The following CCDC18 variants were observed in gnomAD, a reference collection of about 807,000 sequenced individuals.
CCDC18 encodes the protein coiled-coil domain-containing protein 18.
In CCDC18, 157 loss-of-function variants were observed where a neutral mutation model predicts 196.0. That is an observed-to-expected ratio of 0.80 (90% CI 0.70 to 0.91). CCDC18 has a LOEUF of 0.91. CCDC18 is among the 40% of genes least tolerant of loss of function. CCDC18 has a pLI of 0.00. For missense variants in CCDC18, 1,465 were observed against 1,611.6 expected, an observed-to-expected ratio of 0.91 and a Z score of 1.56; for synonymous variants, 482 against 529.2, an observed-to-expected ratio of 0.91 and a Z score of 1.22.
intron 8 of CCDC18, among the ~76,000 whole-genome samples, chr1:93,206,026 C>T (rs564070888): frequency 6.6e-6 from 1 of 151,858 alleles, no homozygotes; most frequent in African/African-American, 2.4e-5. Flanking sequence ...AAACAGAAGC[C>T]CCGAGAGTAG....
chr1:93,224,763 A>T (rs566620384), intron 16 of CCDC18, among the ~76,000 whole-genome samples: 1 of 152,390 alleles, frequency 6.6e-6, no homozygotes, highest in East Asian at 1.9e-4. Flanking sequence ...ATATCTAATG[A>T]TGAATCTTGC....
At position 93,207,145 on chromosome 1, in the gene CCDC18, T is replaced by C; in HGVS notation, c.956T>C (p.Leu319Ser). 1.3e-6 allele frequency: 2 copies of C among 1,542,708 alleles called. No homozygotes were observed. The highest frequency in any genetic ancestry group is 1.4e-5 in the African/African-American group (1 of 72,542). Residue 319 changes from leucine (L) to serine (S), a missense_variant, in exon 9 of 29, where the codon TTA becomes TCA. By Grantham distance (145) the Leu-to-Ser change is moderately radical. Transcript: ENST00000690025. ...KEENNNGKEK[L>S]RIMAVKNSEV... The stretch of plus-strand genomic sequence containing the variant: ...GAAAATAACAACGGAAAAGAAAAAT[T>C]AAGGATCATGGCAGTGAAAAATTCA...
At position 93,207,170 on chromosome 1, in the gene CCDC18, A is replaced by G; in HGVS notation, c.981A>G (p.Ser327=). ...TAAGGATCATGGCAGTGAAAAATTC[A>G]GAAGTCATGGCACAACTAACTGAAT... The part of the protein sequence containing the change: ...EKLRIMAVKN[S]EVMAQLTESR... Residue 327 remains serine (S), a synonymous_variant, in exon 9 of 29, where the codon TCA becomes TCG. Transcript: ENST00000690025. 1 of 1,606,564 alleles carries G rather than the reference A, an allele frequency of 6.2e-7. No homozygotes were observed. Among genetic ancestry groups the G allele is most frequent in the Non-Finnish European group, 8.5e-7 (1 of 1,174,044 alleles).
At chr1:93,246,032 C>T in intron 21 of CCDC18, 73 bp from the exon 22 acceptor site, 1 of 937,312 alleles carries the variant, frequency 1.1e-6, no homozygotes, top group Non-Finnish European at 1.6e-6. Context: ...AAGAGGTAAC[C>T]TGGTTGACCT....
At chr1:93,250,567 T>G (rs894532362) in intron 23 of CCDC18, among the ~76,000 whole-genome samples, 2 of 152,144 alleles carry the variant, frequency 1.3e-5, no homozygotes, top group Admixed American at 6.6e-5. Context: ...GGTATTGAAG[T>G]CCCTGTCGTT....
At chr1:93,181,384 G>C (rs1429416945) in intron 1 of CCDC18, among the ~76,000 whole-genome samples, 1 of 152,032 alleles carries the variant, frequency 6.6e-6, no homozygotes, top group African/African-American at 2.4e-5. Flanking sequence ...ATGGGTGTGC[G>C]TGTGCAAACC....
rs376775505 is a variant in CCDC18 at position 93,256,346 on chromosome 1, G to A, written c.3354G>A (p.Glu1118=). The stretch of plus-strand genomic sequence containing the variant: ...CTTATGCTTTTCAGGTTATGAAAGA[G>A]CAAGAACAGTACATTGCCACTCAGT... ...RMKEMESVMK[E]QEQYIATQYK... Residue 1118 remains glutamate, a synonymous_variant, in exon 25 of 29, where the codon GAG becomes GAA. Coordinates refer to ENST00000690025, the MANE Select transcript of CCDC18 (RefSeq NM_001378204.1). 1.2e-6 allele frequency: 2 copies of A among 1,613,946 alleles called. No homozygotes were observed. The highest frequency in any genetic ancestry group is 1.7e-5 in the Admixed American group (1 of 59,998).
intron 28 of CCDC18, chr1:93,271,280 T>C: frequency 1.4e-5 from 14 of 985,426 alleles, no homozygotes; most frequent in Non-Finnish European, 1.7e-5. Context: ...TTAGCCATTA[T>C]TTAAAAGCAT....
intron 17 of CCDC18, among the ~76,000 whole-genome samples, chr1:93,228,312 G>A (rs1000241019): frequency 6.6e-6 from 1 of 152,106 alleles, no homozygotes; most frequent in Non-Finnish European, 1.5e-5. Context: ...TAGAGGAGGA[G>A]CACTGCAGCT....
intron 28 of CCDC18, chr1:93,271,611 G>C (rs921652501): frequency 2.2e-6 from 2 of 897,714 alleles, no homozygotes; most frequent in African/African-American, 3.6e-5. Flanking sequence ...GAGGCAGGAG[G>C]ATTATTTGAG....
chr1:93,202,524 C>T (rs1654002454), intron 7 of CCDC18, among the ~76,000 whole-genome samples: 1 of 152,042 alleles, frequency 6.6e-6, no homozygotes, highest in East Asian at 1.9e-4. Flanking sequence ...GTTGGATATT[C>T]AGATATTGAG....
chr1:93,263,867 T>C (rs143928050), intron 26 of CCDC18, among the ~76,000 whole-genome samples: 2 of 152,286 alleles, frequency 1.3e-5, no homozygotes, highest in African/African-American at 4.8e-5. Flanking sequence ...CTCTTTTCCT[T>C]ATAAATTACA....
intron 13 of CCDC18, among the ~76,000 whole-genome samples, 189 bp downstream of exon 13, chr1:93,216,935 C>CTCTT (rs781629982): frequency 0.098 from 13,003 of 132,576 alleles, 989 homozygotes; most frequent in East Asian, 0.27. Flanking sequence ...CAAGTTTTCT[C>CTCTT]TTTTTTTTTT....
chr1:93,191,069 G>C, intron 4 of CCDC18: 1 of 720,358 alleles, frequency 1.4e-6, no homozygotes, highest in South Asian at 1.5e-5. Flanking sequence ...ATGTTTGCGG[G>C]AGTGCTATCA....
intron 27 of CCDC18, among the ~76,000 whole-genome samples, chr1:93,266,519 A>G (rs1181505674): frequency 1.3e-5 from 2 of 152,214 alleles, no homozygotes; most frequent in Non-Finnish European, 2.9e-5. Flanking sequence ...GTTTTTAGAA[A>G]AGATCAACAA....
intron 8 of CCDC18, 114 bp from the exon 9 acceptor site, chr1:93,206,993 C>T: frequency 1.8e-6 from 1 of 571,134 alleles, no homozygotes; most frequent in Non-Finnish European, 3.0e-6. Context: ...TAAATGTGAG[C>T]AGGTATTATT....
chr1:93,217,915 A>G, intron 14 of CCDC18, 46 bp downstream of exon 14: 1 of 1,477,766 alleles, frequency 6.8e-7, no homozygotes, highest in East Asian at 2.3e-5. Flanking sequence ...AGAAACTTAA[A>G]CATTACTAGC....
intron 23 of CCDC18, 23 bp downstream of exon 23, chr1:93,246,977 ATTTTAAATTATT>A: frequency 1.1e-6 from 1 of 938,728 alleles, no homozygotes; most frequent in Non-Finnish European, 1.6e-6. Flanking sequence ...AAAATTACGT[ATTTTAAATTATT>A]TTTTAAAAAA....
chr1:93,270,573 C>G lies in CCDC18; in HGVS notation c.4112C>G (p.Ser1371Cys). The change falls in exon 28 of 29, where the codon TCT (serine) becomes TGT (cysteine). Residue 1371 changes from serine to cysteine, a missense_variant. By Grantham distance (112) the Ser-to-Cys change is moderately radical (BLOSUM62 -1). Transcript: ENST00000690025. Reference sequence around the variant, plus strand: ...AAAATTCATGGTGATGAAGATCTTTCTGAAGAATTACTACAGGACTTAAAG... The same window carrying G: ...AAAATTCATGGTGATGAAGATCTTTGTGAAGAATTACTACAGGACTTAAAG... ...TFKIHGDEDL[S>C]EELLQDLKKM... 6.5e-7 allele frequency: 1 copy of G among 1,550,364 alleles called. No homozygotes were observed. The highest frequency in any genetic ancestry group is 2.4e-5 in the East Asian group (1 of 40,876).
Sources: allele counts gnomAD v4.1 joint callset (sites outside exome capture counted in the v4.1 genomes callset), GRCh38; gene constraint gnomAD v4.1.1; transcripts MANE v1.5; gene names NCBI Gene and HGNC (gene_info 2026-07-23, HGNC 2026-07-21).